The following MPI variants were observed in gnomAD, a reference collection of about 807,000 sequenced individuals.
MPI encodes the protein mannose-6-phosphate isomerase.
MPI carries 33 observed loss-of-function variants against 40.1 expected under a neutral mutation model. The observed-to-expected ratio is 0.82, with a 90% confidence interval of 0.62 to 1.10. MPI has a LOEUF of 1.10. Ranked by LOEUF, MPI falls within the 50% of genes least tolerant of loss-of-function variation. MPI has a pLI of 0.00. For synonymous variants in MPI, 187 were observed against 207.4 expected, an observed-to-expected ratio of 0.90 and a Z score of 0.85; for missense variants, 514 against 524.1, an observed-to-expected ratio of 0.98 and a Z score of 0.19.
intron 2 of MPI, chr15:74,891,163 G>C (rs1402269080): frequency 6.3e-6 from 4 of 632,000 alleles, no homozygotes; most frequent in Admixed American, 5.1e-5. Flanking sequence ...ACTAGTCCAA[G>C]TCTTCATAGA....
rs746867212 is a variant in MPI, at chr15:74,893,111, T to C, written c.488-27T>C. On this transcript the variant is annotated intron_variant, in intron 4 of 7. Transcript: ENST00000352410. ...GGGTTCCATCTTACCATTCCTGATA[T>C]GGGCCCTGGGCCTTGCCTTCCTGTA... is the stretch of plus-strand genomic sequence containing the variant. The C allele has an allele frequency of 4.3e-6, 7 of 1,613,192 alleles. No individual in the cohort carries two copies. The Admixed American group carries it at 5.0e-5, about 12-fold the overall frequency.
In MPI at chr15:74,901,698, A is replaced by G. The variant is rs2064964548; in HGVS notation, c.*3968A>G. The G allele has an allele frequency of 6.4e-6, 1 of 157,474 alleles. No individual in the cohort carries two copies. Among genetic ancestry groups the G allele is most frequent in the Admixed American group, 6.5e-5 (1 of 15,404 alleles). 9.8% of individuals were successfully genotyped at this position (157,474 alleles called of 1,614,324 possible). On this transcript the variant is annotated 3_prime_UTR_variant, in exon 8 of 8. Coordinates refer to ENST00000352410, the MANE Select transcript of MPI (RefSeq NM_002435.3). ...GCTGTATACCCACTCTCACGAGTCCATTGCTACTTCTCAAAAGTTTAAAAA... is the reference window on the plus strand; with the variant it reads ...GCTGTATACCCACTCTCACGAGTCCGTTGCTACTTCTCAAAAGTTTAAAAA...
intron 3 of MPI, among the ~76,000 whole-genome samples, chr15:74,892,010 C>G (rs1357986942): frequency 1.4e-5 from 2 of 147,030 alleles, no homozygotes; most frequent in Non-Finnish European, 3.0e-5. Context: ...TTTTTTTTTT[C>G]TGAGACTTGA....
intron 4 of MPI, 152 bp downstream of exon 4, chr15:74,892,954 GA>G: frequency 7.3e-7 from 1 of 1,364,970 alleles, no homozygotes; most frequent in Non-Finnish European, 1.0e-6. Flanking sequence ...CCAGGCCAGT[GA>G]GACCAGGCTC....
chr15:74,890,766 C>T, intron 2 of MPI, 112 bp downstream of exon 2: 1 of 1,462,444 alleles, frequency 6.8e-7, no homozygotes, highest in Admixed American at 1.7e-5. Context: ...GGGAGGAGAC[C>T]CACTTGGCTC....
intron 5 of MPI, among the ~76,000 whole-genome samples, chr15:74,894,036 TTCAG>T (rs1567267020): frequency 3.3e-5 from 3 of 90,754 alleles, no homozygotes; most frequent in East Asian, 5.7e-4. Flanking sequence ...TTTTTTTCTG[TTCAG>T]TGTGTGTGTG....
intron 7 of MPI, 27 bp from the exon 8 acceptor site, chr15:74,897,485 A>G (rs759502537): frequency 1.9e-6 from 3 of 1,606,060 alleles, no homozygotes; most frequent in Non-Finnish European, 2.6e-6. Flanking sequence ...TCTGAGCTGC[A>G]CTGCCTTATC....
At chr15:74,896,566 T>C in intron 6 of MPI, 1 of 664,996 alleles carries the variant, frequency 1.5e-6, no homozygotes, top group South Asian at 1.6e-5. Flanking sequence ...TTTTAAGTCC[T>C]GCCAGTCAGT....
At chr15:74,892,854 G>A (rs747559677) in intron 4 of MPI, 52 bp downstream of exon 4, 28 of 1,611,768 alleles carry the variant, frequency 1.7e-5, no homozygotes, top group Non-Finnish European at 2.1e-5. Flanking sequence ...GGATACCTGG[G>A]GAACCAAGAT....
intron 5 of MPI, among the ~76,000 whole-genome samples, chr15:74,894,093 T>TG (rs2064775324): frequency 1.8e-5 from 1 of 54,204 alleles, no homozygotes. Context: ...TGTGTGTGTG[T>TG]GTGTGTGTGT....
chr15:74,898,559 A>T lies in MPI; in HGVS notation c.*829A>T, dbSNP rs2064858356. ...TTTTTCTCTTTTTTTTTTTTTTGAG[A>T]CGGAGTCTCGGTCTGTAGCCCAGGC... On this transcript the variant is annotated 3_prime_UTR_variant, in exon 8 of 8. Transcript: ENST00000352410. 2.0e-5 allele frequency: 3 copies of T among 148,726 alleles called. No individual in the cohort carries two copies. The allele number at this position is 148,726 out of a possible 1,614,324, so 9.2% of individuals were successfully genotyped here.
In MPI at chr15:74,897,182, A is replaced by T. The variant is rs1567269332; in HGVS notation, c.1016A>T (p.Asp339Val). ...GAAGACCCCTACCTCTCAATCTATG[A>T]CCCCCCTGTACCAGACTTCACCATT... ...SQEDPYLSIY[D>V]PPVPDFTIMK... The change falls in exon 7 of 8, where the codon GAC (aspartate) becomes GTC (valine). Residue 339 changes from aspartate (D) to valine (V), a missense_variant. Coordinates refer to ENST00000352410, the MANE Select transcript of MPI (RefSeq NM_002435.3). The T allele has an allele frequency of 6.2e-7, 1 of 1,613,548 alleles. No individual in the cohort carries two copies.
chr15:74,898,685 C>A lies in MPI; in HGVS notation c.*955C>A, dbSNP rs1386673114. ...CCCAAGTAGCTGGGACCACAGGCGC[C>A]CACCACCACGCCCAGCCAATTTTTT... On this transcript the variant is annotated 3_prime_UTR_variant, in exon 8 of 8. Coordinates refer to ENST00000352410, the MANE Select transcript of MPI (RefSeq NM_002435.3). 1 of 152,208 alleles carries A rather than the reference C, an allele frequency of 6.6e-6. No individual in the cohort carries two copies. Among genetic ancestry groups the A allele is most frequent in the Non-Finnish European group, 1.5e-5 (1 of 68,092 alleles). The allele number at this position is 152,208 out of a possible 1,614,324, so 9.4% of individuals were successfully genotyped here.
rs1289003160 is a variant in MPI at position 74,900,417 on chromosome 15, C to G, written c.*2687C>G. 1 of 152,310 alleles carries G rather than the reference C, an allele frequency of 6.6e-6. No individual in the cohort carries two copies. The highest frequency in any genetic ancestry group is 2.4e-5 in the African/African-American group (1 of 41,442). The allele number at this position is 152,310 out of a possible 1,614,324, so 9.4% of individuals were successfully genotyped here. ...GCCTTGGTTTTGGGGTCCTGCCACC[C>G]TCACCCCTAGAAGCTGCTAAACACC... On this transcript the variant is annotated 3_prime_UTR_variant, in exon 8 of 8. Transcript: ENST00000352410.
intron 5 of MPI, 151 bp downstream of exon 5, chr15:74,893,471 C>A: frequency 1.3e-6 from 1 of 785,158 alleles, no homozygotes; most frequent in Non-Finnish European, 2.2e-6. Context: ...CTTAGCATTG[C>A]TTGCCTAGTC....
intron 1 of MPI, 44 bp from the exon 2 acceptor site, chr15:74,890,483 G>T (rs769504469): frequency 1.9e-6 from 3 of 1,613,340 alleles, no homozygotes; most frequent in East Asian, 2.2e-5. Flanking sequence ...ACTAGGGTGG[G>T]GCCTGAGGAG....
intron 2 of MPI, 107 bp downstream of exon 2, chr15:74,890,761 G>A (rs2064714332): frequency 1.3e-6 from 2 of 1,519,694 alleles, no homozygotes; most frequent in South Asian, 2.3e-5. Context: ...AAGGAGGGAG[G>A]AGACCCACTT....
At chr15:74,896,116 C>G (rs756822872) in intron 5 of MPI, 36 bp from the exon 6 acceptor site, 19 of 1,611,370 alleles carry the variant, frequency 1.2e-5, no homozygotes, top group Non-Finnish European at 2.5e-6. Flanking sequence ...ACTGAGTATC[C>G]CCCTAAGTGA....
rs2141209541 is a variant in MPI at position 74,897,532 on chromosome 15, A to G, written c.1074A>G (p.Glu358=). 1 of 1,614,012 alleles carries G rather than the reference A, an allele frequency of 6.2e-7. No individual in the cohort carries two copies. Among genetic ancestry groups the G allele is most frequent in the Non-Finnish European group, 8.5e-7 (1 of 1,179,920 alleles). Residue 358 remains glutamate (E), a synonymous_variant, in exon 8 of 8, where the codon GAA becomes GAG. Transcript: ENST00000352410. ...CCCAGGTCCCTGGCTCTGTCACTGA[A>G]TACAAGGTCTTGGCACTGGACTCTG... is the stretch of plus-strand genomic sequence containing the variant. ...MKTEVPGSVT[E]YKVLALDSAS...
Sources: gnomAD v4.1 joint callset for allele counts (sites outside exome capture counted in the v4.1 genomes callset) on GRCh38, gnomAD v4.1.1 for gene constraint, MANE v1.5 for transcripts, NCBI Gene and HGNC (gene_info 2026-07-23, HGNC 2026-07-21) for gene names.